The following LGALS3 variants were observed in gnomAD, a reference collection of about 807,000 sequenced individuals.
LGALS3 encodes the protein galectin 3, also known as galectin-3.
A neutral mutation model predicts 20.7 loss-of-function variants in LGALS3; 18 were observed. The observed-to-expected ratio is 0.87, with a 90% CI of 0.60 to 1.29. The LOEUF is 1.29. LGALS3 is among the 50% of genes most tolerant of loss of function. The pLI is 0.00. For missense variants in LGALS3, 315 were observed against 314.7 expected, an observed-to-expected ratio of 1.00 and a Z score of -0.01; for synonymous variants, 112 against 119.6, an observed-to-expected ratio of 0.94 and a Z score of 0.42.
rs1005938454 is a variant in LGALS3 at position 55,129,995 on chromosome 14, C to A, written c.-5+695C>A. 2.0e-5 allele frequency among the ~76,000 whole-genome samples: 3 copies of A among 152,228 alleles called. No individual in the cohort carries two copies. The highest frequency in any genetic ancestry group is 7.2e-5 in the African/African-American group (3 of 41,456). Reference sequence around the variant, plus strand: ...AGCCGCTGTCTGGTTGCTGATCCCACAGAAAATGGTGCTTGCCCCATGGCC... The same window carrying A: ...AGCCGCTGTCTGGTTGCTGATCCCAAAGAAAATGGTGCTTGCCCCATGGCC... On this transcript the variant is annotated intron_variant, in intron 1 of 5. Transcript: ENST00000254301. The surrounding 1 kb of genome is among the most constrained non-coding windows in gnomAD (Gnocchi z 5.3).
In LGALS3 at chr14:55,142,635, AC is replaced by A. The variant is rs1312716911; in HGVS notation, c.484del (p.Arg162AlafsTer52). 3 of 1,613,654 alleles carry A rather than the reference AC, an allele frequency of 1.9e-6. No individual in the cohort carries two copies. Among genetic ancestry groups the A allele is most frequent in the African/African-American group, 2.7e-5 (2 of 74,912 alleles). On this transcript the variant is annotated frameshift_variant, in exon 5 of 6. Coordinates refer to ENST00000254301, the MANE Select transcript of LGALS3 (RefSeq NM_002306.4). LOFTEE classifies it high-confidence loss of function. ...GNDVAFHFNP[R>X]FNENNRRVIV... ...ATGATGTTGCCTTCCACTTTAACCC[AC>A]GCTTCAATGAGAACAACAGGAGAGT...
chr14:55,142,778 T>TA, intron 5 of LGALS3, 29 bp downstream of exon 5: 1 of 1,534,640 alleles, frequency 6.5e-7, no homozygotes, highest in Non-Finnish European at 9.0e-7. Context: ...TATATATTGA[T>TA]AATGTATATT....
In LGALS3 at chr14:55,138,293, C is replaced by A. The variant is rs750371210; in HGVS notation, c.267C>A (p.Tyr89Ter). ...YPGPPSGPGA[Y>*]PSSGQPSATG... ...GGCCACCCAGCGGCCCTGGGGCCTA[C>A]CCATCTTCTGGACAGCCAAGTGCCA... is the stretch of plus-strand genomic sequence containing the variant. The change falls in exon 3 of 6, where the codon TAC (tyrosine) becomes TAA (stop). Residue 89 changes from tyrosine (Y) to a stop codon, truncating the protein, a stop_gained. Transcript: ENST00000254301. LOFTEE classifies it high-confidence loss of function. The A allele has an allele frequency of 1.2e-6, 2 of 1,612,774 alleles. No homozygotes were observed. The highest frequency in any genetic ancestry group is 2.7e-5 in the African/African-American group (2 of 75,046).
At position 55,138,207 on chromosome 14, in the gene LGALS3, G is replaced by A. The variant is rs767539042; in HGVS notation, c.181G>A (p.Gly61Ser). ...GGCTTATCCTGGACAGGCACCTCCA[G>A]GCGCCTACCCTGGAGCACCTGGAGC... ...PGAYPGQAPP[G>S]AYPGAPGAYP... Residue 61 changes from glycine (G) to serine (S), a missense_variant, in exon 3 of 6, where the codon GGC (glycine) becomes AGC (serine). Transcript: ENST00000254301. The A allele has an allele frequency of 7.4e-6, 12 of 1,612,956 alleles. No individual in the cohort carries two copies. In the South Asian group the frequency reaches 1.2e-4, roughly 16 times the overall value.
At position 55,145,269 on chromosome 14, in the gene LGALS3, T is replaced by A. The variant is rs1010921645; in HGVS notation, c.751T>A (p.Ter251LysextTer41). ...CACCAGTGCTTCATATACCATGATA[T>A]AATCTGAAAGGGGCAGATTAAAAAA... ...DLTSASYTMI[*>K] is the part of the protein sequence containing the mutation. Residue 251 changes from the stop codon to lysine (K), a stop_lost, in exon 6 of 6, where the codon TAA (stop) becomes AAA (lysine). Transcript: ENST00000254301. 7 of 1,612,648 alleles carry A rather than the reference T, an allele frequency of 4.3e-6. 1 individual carries two copies. The South Asian group carries it at 6.6e-5, about 15-fold the overall frequency.
intron 4 of LGALS3, among the ~76,000 whole-genome samples, chr14:55,141,397 A>G (rs991406585): frequency 1.3e-5 from 2 of 152,040 alleles, no homozygotes; most frequent in African/African-American, 2.4e-5. Flanking sequence ...AACCCAGCAC[A>G]CCTTATCCTG....
At chr14:55,137,449 G>A (rs1017210092) in intron 2 of LGALS3, 58 bp downstream of exon 2, 6 of 1,614,006 alleles carry the variant, frequency 3.7e-6, no homozygotes, top group Non-Finnish European at 4.2e-6. Context: ...TGAGGGTTGG[G>A]GGTTTTGTTT....
rs772155739 is a variant in LGALS3 at position 55,140,354 on chromosome 14, A to G, written c.422A>G (p.Asn141Ser). The change falls in exon 4 of 6, where the codon AAT becomes AGT. Residue 141 changes from asparagine (N) to serine (S), a missense_variant. Coordinates refer to ENST00000254301, the MANE Select transcript of LGALS3 (RefSeq NM_002306.4). ...ACAATTCTGGGCACGGTGAAGCCCA[A>G]TGCAAACAGGTAAGGAGAGCAAAAT... ...LITILGTVKP[N>S]ANRIALDFQR... is the part of the protein sequence containing the mutation. The G allele has an allele frequency of 2.5e-5, 41 of 1,610,308 alleles. No individual in the cohort carries two copies. The highest frequency in any genetic ancestry group is 8.0e-5 in the African/African-American group (6 of 74,902).
intron 5 of LGALS3, among the ~76,000 whole-genome samples, chr14:55,144,758 G>A (rs937880223): frequency 2.0e-5 from 3 of 151,438 alleles, no homozygotes; most frequent in African/African-American, 7.3e-5. Flanking sequence ...TAGAGATGGG[G>A]TTTCACTGTG....
intron 5 of LGALS3, among the ~76,000 whole-genome samples, chr14:55,143,056 A>G (rs2075602): frequency 0.56 from 84,644 of 152,180 alleles, 26,599 homozygotes; most frequent in African/African-American, 0.87. Flanking sequence ...TGGTACAGTT[A>G]TACTGCGACT....
Position 55,138,213 on chromosome 14 carries a change from T to C in LGALS3, c.187T>C (p.Tyr63His), listed in dbSNP as rs1377814432. 3.7e-6 allele frequency: 6 copies of C among 1,612,764 alleles called. No individual in the cohort carries two copies. The highest frequency in any genetic ancestry group is 5.1e-6 in the Non-Finnish European group (6 of 1,179,452). ...TCCTGGACAGGCACCTCCAGGCGCC[T>C]ACCCTGGAGCACCTGGAGCTTATCC... ...AYPGQAPPGA[Y>H]PGAPGAYPGA... The change falls in exon 3 of 6, where the codon TAC becomes CAC. Residue 63 changes from tyrosine to histidine, a missense_variant. Tyr to His is a moderately conservative substitution (Grantham distance 83). Transcript: ENST00000254301.
chr14:55,139,279 A>G (rs1881533351), intron 3 of LGALS3, among the ~76,000 whole-genome samples: 2 of 152,198 alleles, frequency 1.3e-5, no homozygotes, highest in South Asian at 4.1e-4. Flanking sequence ...GAGGACTCTG[A>G]CTTTTCAAGG....
At position 55,138,229 on chromosome 14, in the gene LGALS3, G is replaced by GAGCTTATCCCGGAGCACCTGC. The variant is rs751241278; in HGVS notation, c.205_225dup (p.Ala69_Ala75dup). The GAGCTTATCCCGGAGCACCTGC allele has an allele frequency of 6.2e-6, 10 of 1,612,628 alleles. No homozygotes were observed. On this transcript the variant is annotated inframe_insertion, in exon 3 of 6. Transcript: ENST00000254301. ...CCAGGCGCCTACCCTGGAGCACCTG[G>GAGCTTATCCCGGAGCACCTGC]AGCTTATCCCGGAGCACCTGCACCT...
intron 4 of LGALS3, 111 bp downstream of exon 4, chr14:55,140,474 A>C (rs1251640604): frequency 1.6e-6 from 1 of 633,870 alleles, no homozygotes; most frequent in African/African-American, 1.8e-5. Flanking sequence ...TTTGAATTTT[A>C]GTAAAATTTT....
At position 55,129,454 on chromosome 14, in the gene LGALS3, G is replaced by C. The variant is rs1821677958; in HGVS notation, c.-5+154G>C. Among the ~76,000 whole-genome samples the C allele has an allele frequency of 2.0e-5, 3 of 152,104 alleles. No individual in the cohort carries two copies. The highest frequency in any genetic ancestry group is 7.2e-5 in the African/African-American group (3 of 41,430). ...CCCACAGCCTGTGCTCTGCCCTCCA[G>C]GAGCGGGGCGGCGGGCAGCGATCTG... On this transcript the variant is annotated intron_variant, in intron 1 of 5. Coordinates refer to ENST00000254301, the MANE Select transcript of LGALS3 (RefSeq NM_002306.4). The surrounding 1 kb of genome is among the most constrained non-coding windows in gnomAD (Gnocchi z 5.3).
intron 2 of LGALS3, 151 bp downstream of exon 2, chr14:55,137,542 C>A (rs1413261396): frequency 1.3e-6 from 2 of 1,562,768 alleles, no homozygotes; most frequent in East Asian, 4.5e-5. Context: ...CAAGCTGGAG[C>A]CTTGTTTTTC....
chr14:55,141,995 T>C (rs1881640500), intron 4 of LGALS3, among the ~76,000 whole-genome samples: 1 of 152,224 alleles, frequency 6.6e-6, no homozygotes, highest in African/African-American at 2.4e-5. Context: ...TTTCATTGGT[T>C]CTGGCTCACA....
intron 5 of LGALS3, among the ~76,000 whole-genome samples, chr14:55,144,587 G>A (rs1208306145): frequency 8.6e-5 from 13 of 151,512 alleles, no homozygotes; most frequent in Non-Finnish European, 1.8e-4. Flanking sequence ...TTTTTGAGAC[G>A]GAGTCTCACT....
At chr14:55,140,784 C>G (rs1881595650) in intron 4 of LGALS3, among the ~76,000 whole-genome samples, 2 of 152,142 alleles carry the variant, frequency 1.3e-5, no homozygotes. Context: ...TGAAGAGATT[C>G]TACAAGTTAA....
Sources: gnomAD v4.1 joint callset for allele counts (sites outside exome capture counted in the v4.1 genomes callset) on GRCh38, gnomAD v4.1.1 for gene constraint, Gnocchi (gnomAD v3.1) non-coding constraint, MANE v1.5 for transcripts, NCBI Gene and HGNC (gene_info 2026-07-23, HGNC 2026-07-21) for gene names.